REEP6: variants seen among roughly 807,000 people sequenced by gnomAD.
REEP6 encodes the protein receptor expression-enhancing protein 6.
In REEP6, 19 loss-of-function variants were observed where a neutral mutation model predicts 22.4. The ratio of observed to expected loss-of-function variants is 0.85; its 90% CI spans 0.59 to 1.25. REEP6 has a LOEUF of 1.25. Ranked by LOEUF, REEP6 falls within the 50% of genes most tolerant of loss-of-function variation. The pLI is 0.00. For missense variants in REEP6, 273 were observed against 251.9 expected, an observed-to-expected ratio of 1.08 and a Z score of -0.57; for synonymous variants, 121 against 113.6, an observed-to-expected ratio of 1.06 and a Z score of -0.41.
intron 4 of REEP6, chr19:1,496,684 T>C: frequency 1.4e-6 from 1 of 705,120 alleles, no homozygotes. Flanking sequence ...ACGTAACCGC[T>C]GTGGGGAGAT....
chr19:1,492,694 C>A (rs1483948370), intron 1 of REEP6, among the ~76,000 whole-genome samples: 1 of 152,058 alleles, frequency 6.6e-6, no homozygotes, highest in Non-Finnish European at 1.5e-5. Flanking sequence ...GACAGTGCCA[C>A]TTTTTTGAGC....
In REEP6 at chr19:1,497,066, C is replaced by G; in HGVS notation, c.518-108C>G. On this transcript the variant is annotated intron_variant, in intron 4 of 4. Transcript: ENST00000233596. The surrounding 1 kb of genome is among the most constrained non-coding windows in gnomAD (Gnocchi z 6.5). ...CTCTGCTGAGGGTGGCTGCCCGGCC[C>G]CTCGACTTGTCATGCTCATAGCCAG... 1.1e-6 allele frequency: 1 copy of G among 952,288 alleles called. No individual in the cohort carries two copies. Among genetic ancestry groups the G allele is most frequent in the Non-Finnish European group, 1.5e-6 (1 of 659,480 alleles). The allele number at this position is 952,288 out of a possible 1,614,324, so 59.0% of individuals were successfully genotyped here.
chr19:1,491,989 C>T lies in REEP6; in HGVS notation c.115+605C>T, dbSNP rs2084955029. 6.6e-6 allele frequency among the ~76,000 whole-genome samples: 1 copy of T among 152,248 alleles called. No homozygotes were observed. The highest frequency in any genetic ancestry group is 1.5e-5 in the Non-Finnish European group (1 of 68,050). Reference sequence around the variant, plus strand: ...GCCCACAGAGCCGGAGATCCAGGCACCCCGATTGTGACTCCATTACAGTTC... The same window carrying T: ...GCCCACAGAGCCGGAGATCCAGGCATCCCGATTGTGACTCCATTACAGTTC... On this transcript the variant is annotated intron_variant, in intron 1 of 4. Transcript: ENST00000233596. This position sits in a 1 kb window ranked among gnomAD's most constrained non-coding sequence, Gnocchi z 5.4.
chr19:1,494,584 T>G (rs2084990518), intron 1 of REEP6, among the ~76,000 whole-genome samples: 1 of 152,226 alleles, frequency 6.6e-6, no homozygotes, highest in African/African-American at 2.4e-5. Flanking sequence ...CAAGTCTTCA[T>G]GACAGCCTGG....
chr19:1,496,727 C>A (rs1451640888), intron 4 of REEP6: 3 of 658,504 alleles, frequency 4.6e-6, no homozygotes, highest in East Asian at 5.8e-5. Context: ...TGCGCGCGCG[C>A]GCGCGTGTGT....
chr19:1,495,965 G>T, intron 3 of REEP6: 1 of 531,550 alleles, frequency 1.9e-6, no homozygotes, highest in Non-Finnish European at 3.3e-6. Context: ...GGTGTCTGAT[G>T]GTGGAGACCC....
chr19:1,497,572 C>T lies in REEP6; in HGVS notation c.*361C>T, dbSNP rs745894759. 8 of 562,376 alleles carry T rather than the reference C, an allele frequency of 1.4e-5. No individual in the cohort carries two copies. Among genetic ancestry groups the T allele is most frequent in the South Asian group, 3.1e-5 (2 of 65,388 alleles). The allele number at this position is 562,376 out of a possible 1,614,324, so 34.8% of individuals were successfully genotyped here. ...CCCTCCCAGTCAGCCCTCCCGTCCT[C>T]GGGGCCCCTGCAGCCACCCAACGTC... On this transcript the variant is annotated 3_prime_UTR_variant, in exon 5 of 5. Transcript: ENST00000233596. This position sits in a 1 kb window ranked among gnomAD's most constrained non-coding sequence, Gnocchi z 6.5.
At position 1,497,179 on chromosome 19, in the gene REEP6, C is replaced by A; in HGVS notation, c.523C>A (p.Pro175Thr). The A allele has an allele frequency of 6.8e-7, 1 of 1,479,332 alleles. No homozygotes were observed. The highest frequency in any genetic ancestry group is 9.0e-7 in the Non-Finnish European group (1 of 1,113,138). The allele number at this position is 1,479,332 out of a possible 1,614,324, so 91.6% of individuals were successfully genotyped here. A position where few individuals can be genotyped will look rare whatever the true frequency, so the allele number is the denominator to read the frequency against. The change falls in exon 5 of 5, where the codon CCA becomes ACA. Residue 175 changes from proline to threonine, a missense_variant. Transcript: ENST00000233596. This position sits in a 1 kb window ranked among gnomAD's most constrained non-coding sequence, Gnocchi z 6.5. ...AAAGITRNVK[P>T]SQTPQPKDK ...ACCCGCCCCTCTCTCTGCAGTCAAG[C>A]CAAGCCAGACCCCGCAGCCGAAGGA...
chr19:1,495,248 C>G (rs1425335944), intron 1 of REEP6, 46 bp from the exon 2 acceptor site: 12 of 1,587,336 alleles, frequency 7.6e-6, no homozygotes, highest in African/African-American at 6.7e-5. Flanking sequence ...GTCGTGGGGG[C>G]TCAGCGGGTC....
intron 3 of REEP6, 165 bp downstream of exon 3, chr19:1,495,772 G>C: frequency 1.1e-6 from 1 of 905,726 alleles, no homozygotes; most frequent in South Asian, 1.7e-5. Flanking sequence ...GCTGATGGTG[G>C]AGGGCCCACC....
At chr19:1,496,638 G>A (rs886794691) in intron 4 of REEP6, 185 bp downstream of exon 4, 2 of 804,308 alleles carry the variant, frequency 2.5e-6, no homozygotes, top group Non-Finnish European at 4.3e-6. Flanking sequence ...CCCGGTGGCT[G>A]TGGCCGGGCC....
chr19:1,492,804 G>T (rs1275979470), intron 1 of REEP6, among the ~76,000 whole-genome samples: 2 of 152,172 alleles, frequency 1.3e-5, no homozygotes, highest in Admixed American at 6.5e-5. Flanking sequence ...TGAAGTCTGT[G>T]CCCACACCCT....
At chr19:1,496,207 T>G in intron 3 of REEP6, 78 bp from the exon 4 acceptor site, 1 of 1,495,486 alleles carries the variant, frequency 6.7e-7, no homozygotes, top group Non-Finnish European at 9.0e-7. Context: ...GGGCATCTGG[T>G]GGAGTGGTGC....
chr19:1,492,782 G>T (rs917915076), intron 1 of REEP6, among the ~76,000 whole-genome samples: 1 of 152,126 alleles, frequency 6.6e-6, no homozygotes, highest in Non-Finnish European at 1.5e-5. Context: ...GCCAGGCAGC[G>T]CCAGAACAGT....
chr19:1,496,829 G>A (rs1365872040), intron 4 of REEP6, among the ~76,000 whole-genome samples: 1 of 147,248 alleles, frequency 6.8e-6, no homozygotes, highest in African/African-American at 2.7e-5. Context: ...TCAAGTGTAT[G>A]TTTGGTGTGT....
At position 1,496,387 on chromosome 19, in the gene REEP6, G is replaced by T. The variant is rs374145945; in HGVS notation, c.451G>T (p.Val151Leu). The T allele has an allele frequency of 2.5e-6, 4 of 1,613,054 alleles. No homozygotes were observed. Among genetic ancestry groups the T allele is most frequent in the Admixed American group, 1.7e-5 (1 of 59,996 alleles). The change falls in exon 4 of 5, where the codon GTA becomes TTA. Residue 151 changes from valine (V) to leucine (L), a missense_variant. Physicochemically the swap from Val to Leu is conservative, Grantham distance 32. Transcript: ENST00000233596. ...RPLFLRHHGA[V>L]DRIMNDLSGR... ...GCTGTTCCTAAGGCACCACGGGGCC[G>T]TAGACAGAATCATGAACGACCTCAG...
In REEP6 at chr19:1,491,535, C is replaced by G. The variant is rs998214587; in HGVS notation, c.115+151C>G. Reference sequence around the variant, plus strand: ...GGGACCTCGAGGTCCGCCCGCAGCCCTTCCCTTGCCCGCGCCCTGCGACCC... The same window carrying G: ...GGGACCTCGAGGTCCGCCCGCAGCCGTTCCCTTGCCCGCGCCCTGCGACCC... On this transcript the variant is annotated intron_variant, in intron 1 of 4. Coordinates refer to ENST00000233596, the MANE Select transcript of REEP6 (RefSeq NM_138393.4). The surrounding 1 kb of genome is among the most constrained non-coding windows in gnomAD (Gnocchi z 5.4). 4 of 480,968 alleles carry G rather than the reference C, an allele frequency of 8.3e-6. No individual in the cohort carries two copies. The highest frequency in any genetic ancestry group is 8.1e-5 in the African/African-American group (4 of 49,526). 29.8% of individuals were successfully genotyped at this position (480,968 alleles called of 1,614,324 possible).
intron 1 of REEP6, among the ~76,000 whole-genome samples, chr19:1,492,794 T>C (rs1209166725): frequency 2.0e-5 from 3 of 152,160 alleles, no homozygotes; most frequent in Non-Finnish European, 4.4e-5. Flanking sequence ...CAGAACAGTC[T>C]GAAGTCTGTG....
intron 4 of REEP6, among the ~76,000 whole-genome samples, 188 bp from the exon 5 acceptor site, chr19:1,496,986 T>C (rs2145479953): frequency 6.6e-6 from 1 of 152,310 alleles, no homozygotes; most frequent in African/African-American, 2.4e-5. Context: ...GTGTGCTCTG[T>C]GTGCACCCAT....
Sources: allele counts gnomAD v4.1 joint callset (sites outside exome capture counted in the v4.1 genomes callset), GRCh38; gene constraint gnomAD v4.1.1; non-coding constraint Gnocchi (gnomAD v3.1); transcripts MANE v1.5; gene names NCBI Gene and HGNC (gene_info 2026-07-23, HGNC 2026-07-21).